The following MRGPRE variants were observed in gnomAD, a reference collection of about 807,000 sequenced individuals.
The protein encoded by MRGPRE is MAS related GPR family member E, also known as mas-related G protein-coupled receptor member E.
For missense variants in MRGPRE, 466 were observed against 433.4 expected, an observed-to-expected ratio of 1.08 and a Z score of -0.67; for synonymous variants, 229 against 206.7, an observed-to-expected ratio of 1.11 and a Z score of -0.92.
At position 3,228,800 on chromosome 11, in the gene MRGPRE, G is replaced by T. The variant is rs747069692; in HGVS notation, c.-1C>A. The T allele has an allele frequency of 1.2e-6, 2 of 1,600,028 alleles. No homozygotes were observed. Among genetic ancestry groups the T allele is most frequent in the Non-Finnish European group, 1.7e-6 (2 of 1,171,674 alleles). ...GTCCAGCTTCTCTGGGCTCCATCAT[G>T]GGGCGGGGGGCCAGGGGATGCTGCA... On this transcript the variant is annotated 5_prime_UTR_variant, in exon 2 of 2. Coordinates refer to ENST00000389832, the MANE Select transcript of MRGPRE (RefSeq NM_001039165.4).
rs753100615 is a variant in MRGPRE at position 3,228,248 on chromosome 11, C to A, written c.552G>T (p.Leu184=). 5 of 1,551,820 alleles carry A rather than the reference C, an allele frequency of 3.2e-6. No homozygotes were observed. The South Asian group carries it at 5.9e-5, about 18-fold the overall frequency. Residue 184 remains leucine, a synonymous_variant, in exon 2 of 2, where the codon CTG becomes CTT. Coordinates refer to ENST00000389832, the MANE Select transcript of MRGPRE (RefSeq NM_001039165.4). ...ACATGGTGCAACACAGCAGAGCCAG[C>A]AGCACCGCTGCCACCAGCCACAGCG... ...CRTLWLVAAV[L]LALLCCTMCG...
In MRGPRE at chr11:3,227,946, A is replaced by G. The variant is rs749647005; in HGVS notation, c.854T>C (p.Val285Ala). The change falls in exon 2 of 2, where the codon GTC (valine) becomes GCC (alanine). Residue 285 changes from valine to alanine, a missense_variant. Val to Ala is a moderately conservative substitution (Grantham distance 64). Transcript: ENST00000389832. ...CTCGTCTCCCAGCGCTCGCTGGAGG[A>G]CCAGCCGGAGGGGCAGCCTGCGGCC... ...AQGRRLPLRL[V>A]LQRALGDEAE... 5 of 1,554,012 alleles carry G rather than the reference A, an allele frequency of 3.2e-6. No individual in the cohort carries two copies. The highest frequency in any genetic ancestry group is 2.4e-5 in the South Asian group (2 of 84,154).
rs1847833266 is a variant in MRGPRE, at chr11:3,231,773, C to T, written c.-62+368G>A. On this transcript the variant is annotated intron_variant, in intron 1 of 1. Coordinates refer to ENST00000389832, the MANE Select transcript of MRGPRE (RefSeq NM_001039165.4). This position sits in a 1 kb window ranked among gnomAD's most constrained non-coding sequence, Gnocchi z 4.7. The stretch of plus-strand genomic sequence containing the variant: ...CCTGAGGCTGAGCACCCAGGTGTGG[C>T]AGGGAGGAGAGGGCCTATCCCCGGC... 6.6e-6 allele frequency among the ~76,000 whole-genome samples: 1 copy of T among 151,604 alleles called. No individual in the cohort carries two copies. Among genetic ancestry groups the T allele is most frequent in the African/African-American group, 2.4e-5 (1 of 41,306 alleles).
In MRGPRE at chr11:3,231,385, C is replaced by T. The variant is rs1847828024; in HGVS notation, c.-62+756G>A. Among the ~76,000 whole-genome samples the T allele has an allele frequency of 6.6e-6, 1 of 151,894 alleles. No homozygotes were observed. Among genetic ancestry groups the T allele is most frequent in the Non-Finnish European group, 1.5e-5 (1 of 67,958 alleles). On this transcript the variant is annotated intron_variant, in intron 1 of 1. Transcript: ENST00000389832. The surrounding 1 kb of genome is among the most constrained non-coding windows in gnomAD (Gnocchi z 4.7). ...GAGCTCAGCCAGACCCTGCTGCTGC[C>T]CCCTCTCTGCTGTGACCCTGGAGGA...
Position 3,228,158 on chromosome 11 carries a change from GC to G in MRGPRE, c.641del (p.Gly214AlafsTer97). ...CGGTGAGGAGGATGAGCCCAGGGAA[GC>G]CCCGGGGTGGGGGCCGCTGGGGGCC... is the stretch of plus-strand genomic sequence containing the variant. ...ERGPQRPPPRGFPGLILLTVL... is the reference protein window; with the variant it reads ...ERGPQRPPPRXFPGLILLTVL... On this transcript the variant is annotated frameshift_variant, in exon 2 of 2. Coordinates refer to ENST00000389832, the MANE Select transcript of MRGPRE (RefSeq NM_001039165.4). LOFTEE classifies it low-confidence loss of function (END_TRUNC). The G allele has an allele frequency of 1.3e-6, 2 of 1,574,178 alleles. No individual in the cohort carries two copies. Among genetic ancestry groups the G allele is most frequent in the East Asian group, 2.3e-5 (1 of 43,540 alleles).
Position 3,228,277 on chromosome 11 carries a change from G to A in MRGPRE, c.523C>T (p.Arg175Trp), listed in dbSNP as rs756116749. 1.5e-5 allele frequency: 24 copies of A among 1,556,172 alleles called. No individual in the cohort carries two copies. The Admixed American group carries it at 1.9e-4, about 13-fold the overall frequency. ...ACCGCTGCCACCAGCCACAGCGTCC[G>A]GCACAAGTGGCGGCTGGGCTCCCCG... ...FFGEPSRHLC[R>W]TLWLVAAVLL... Residue 175 changes from arginine to tryptophan, a missense_variant, in exon 2 of 2, where the codon CGG (arginine) becomes TGG (tryptophan). Transcript: ENST00000389832.
rs531537736 is a variant in MRGPRE at position 3,231,957 on chromosome 11, G to C, written c.-62+184C>G. Among the ~76,000 whole-genome samples, 32 of 152,246 alleles carry C rather than the reference G, an allele frequency of 2.1e-4. No individual in the cohort carries two copies. The highest frequency in any genetic ancestry group is 5.8e-4 in the African/African-American group (24 of 41,546). ...CCAGACTCAGCCCAGGGCTGGCTGC[G>C]GACCAGGTGGTGCGGCCCGTCAGAG... On this transcript the variant is annotated intron_variant, in intron 1 of 1. Transcript: ENST00000389832. The surrounding 1 kb of genome is among the most constrained non-coding windows in gnomAD (Gnocchi z 4.7).
rs1847790824 is a variant in MRGPRE, at chr11:3,228,457, C to T, written c.343G>A (p.Ala115Thr). The change falls in exon 2 of 2, where the codon GCG becomes ACG. Residue 115 changes from alanine to threonine, a missense_variant. Physicochemically the swap from Ala to Thr is moderately conservative, Grantham distance 58. Coordinates refer to ENST00000389832, the MANE Select transcript of MRGPRE (RefSeq NM_001039165.4). ...FCYIVGLSLL[A>T]AVSVEQCLAA... is the part of the protein sequence containing the mutation. ...AGGCACTGCTCCACGCTGACGGCCG[C>T]CAGGAGACTCAGGCCCACGATGTAG... 2.5e-6 allele frequency: 4 copies of T among 1,612,340 alleles called. No individual in the cohort carries two copies. Among genetic ancestry groups the T allele is most frequent in the Non-Finnish European group, 3.4e-6 (4 of 1,179,852 alleles).
In MRGPRE at chr11:3,229,240, T is replaced by C. The variant is rs1253855284; in HGVS notation, c.-61-380A>G. Among the ~76,000 whole-genome samples, 4 of 121,210 alleles carry C rather than the reference T, an allele frequency of 3.3e-5. No individual in the cohort carries two copies. The East Asian group carries it at 1.0e-3, about 31-fold the overall frequency. The allele number at this position is 121,210 out of a possible 152,430, so 79.5% of individuals were successfully genotyped here. A position where few individuals can be genotyped will look rare whatever the true frequency, so the allele number is the denominator to read the frequency against. On this transcript the variant is annotated intron_variant, in intron 1 of 1. Coordinates refer to ENST00000389832, the MANE Select transcript of MRGPRE (RefSeq NM_001039165.4). The surrounding 1 kb of genome is among the most constrained non-coding windows in gnomAD (Gnocchi z 4.4). ...TTTTTTTTTTTTTTTTTTTTTTTTTTTGGAGATGGAGTCTGGCTCTGTTGC... is the reference window on the plus strand; with the variant it reads ...TTTTTTTTTTTTTTTTTTTTTTTTTCTGGAGATGGAGTCTGGCTCTGTTGC...
rs1420422350 is a variant in MRGPRE at position 3,231,527 on chromosome 11, C to T, written c.-62+614G>A. 1.3e-5 allele frequency among the ~76,000 whole-genome samples: 2 copies of T among 149,798 alleles called. No homozygotes were observed. Among genetic ancestry groups the T allele is most frequent in the African/African-American group, 2.5e-5 (1 of 40,548 alleles). ...TGGGGAGTAGAGGAGTTTGTTGCAT[C>T]CTTGGTGAGCAGGAGGAAGAGGAGA... is the stretch of plus-strand genomic sequence containing the variant. On this transcript the variant is annotated intron_variant, in intron 1 of 1. Transcript: ENST00000389832. The surrounding 1 kb of genome is among the most constrained non-coding windows in gnomAD (Gnocchi z 4.7).
chr11:3,228,631 G>C lies in MRGPRE; in HGVS notation c.169C>G (p.Pro57Ala). Residue 57 changes from proline (P) to alanine (A), a missense_variant, in exon 2 of 2, where the codon CCC (proline) becomes GCC (alanine). Coordinates refer to ENST00000389832, the MANE Select transcript of MRGPRE (RefSeq NM_001039165.4). ...WLLSSNVYRN[P>A]FAIYLLDVAC... ...ACGTCCAGGAGGTAGATGGCGAAGG[G>C]GTTTCTGTAGACATTGGAGCTGAGC... The C allele has an allele frequency of 6.2e-7, 1 of 1,614,150 alleles. No homozygotes were observed. Among genetic ancestry groups the C allele is most frequent in the Non-Finnish European group, 8.5e-7 (1 of 1,180,018 alleles).
Position 3,227,875 on chromosome 11 carries a change from C to T in MRGPRE, c.925G>A (p.Asp309Asn). 1.4e-6 allele frequency: 2 copies of T among 1,453,288 alleles called. No individual in the cohort carries two copies. Among genetic ancestry groups the T allele is most frequent in the Non-Finnish European group, 1.8e-6 (2 of 1,101,630 alleles). 90.0% of individuals were successfully genotyped at this position (1,453,288 alleles called of 1,614,324 possible). A position where few individuals can be genotyped will look rare whatever the true frequency, so the allele number is the denominator to read the frequency against. ...GGCCCCAGGGCTCAGGCTGCTATGT[C>T]CACCAGGCCCCGGCGGGAGGTCTCC... ...VRETSRRGLV[D>N]IAA Residue 309 changes from aspartate (D) to asparagine (N), a missense_variant, in exon 2 of 2, where the codon GAC becomes AAC. Physicochemically the swap from Asp to Asn is conservative, Grantham distance 23 (BLOSUM62 1). Transcript: ENST00000389832.
At position 3,225,763 on chromosome 11, in the gene MRGPRE, G is replaced by A. The variant is rs1444392225; in HGVS notation, c.*2098C>T. Among the ~76,000 whole-genome samples, 1 of 152,218 alleles carries A rather than the reference G, an allele frequency of 6.6e-6. No individual in the cohort carries two copies. The highest frequency in any genetic ancestry group is 2.4e-5 in the African/African-American group (1 of 41,458). On this transcript the variant is annotated 3_prime_UTR_variant, in exon 2 of 2. Coordinates refer to ENST00000389832, the MANE Select transcript of MRGPRE (RefSeq NM_001039165.4). ...AGCTACTAGAGTGGGGACGAGCTGG[G>A]CCCAGTTTCCATGGAGACCTCAGAT...
rs779850836 is a variant in MRGPRE at position 3,227,886 on chromosome 11, C to T, written c.914G>A (p.Arg305Gln). The change falls in exon 2 of 2, where the codon CGG becomes CAG. Residue 305 changes from arginine (R) to glutamine (Q), a missense_variant. Arg to Gln is a conservative substitution (Grantham distance 43, BLOSUM62 1). Coordinates refer to ENST00000389832, the MANE Select transcript of MRGPRE (RefSeq NM_001039165.4). ...TCAGGCTGCTATGTCCACCAGGCCC[C>T]GGCGGGAGGTCTCCCTGACGGCCCC... is the stretch of plus-strand genomic sequence containing the variant. ...ELGAVRETSRRGLVDIAA is the reference protein window; with the variant it reads ...ELGAVRETSRQGLVDIAA 7.4e-5 allele frequency: 108 copies of T among 1,460,010 alleles called. No homozygotes were observed. The Middle Eastern group carries it at 1.0e-3, about 14-fold the overall frequency. 90.4% of individuals were successfully genotyped at this position (1,460,010 alleles called of 1,614,324 possible).
At position 3,227,672 on chromosome 11, in the gene MRGPRE, G is replaced by T; in HGVS notation, c.*189C>A. 2 of 491,886 alleles carry T rather than the reference G, an allele frequency of 4.1e-6. No homozygotes were observed. Among genetic ancestry groups the T allele is most frequent in the Non-Finnish European group, 7.0e-6 (2 of 286,498 alleles). 30.5% of individuals were successfully genotyped at this position (491,886 alleles called of 1,614,324 possible). A position where few individuals can be genotyped will look rare whatever the true frequency, so the allele number is the denominator to read the frequency against. On this transcript the variant is annotated 3_prime_UTR_variant, in exon 2 of 2. Coordinates refer to ENST00000389832, the MANE Select transcript of MRGPRE (RefSeq NM_001039165.4). ...GCCTGCCTGGGCATGTAGAGACCTT[G>T]CCTTTCCAGCTGCCTCCCAGGGGAG... is the stretch of plus-strand genomic sequence containing the variant.
rs1186451816 is a variant in MRGPRE at position 3,229,047 on chromosome 11, A to G, written c.-61-187T>C. ...TCTCTTCCCTAAGACACTCAGGAGG[A>G]AGGTGTCCCCATTCCTCCCCTCCCC... On this transcript the variant is annotated intron_variant, in intron 1 of 1. Transcript: ENST00000389832. This position sits in a 1 kb window ranked among gnomAD's most constrained non-coding sequence, Gnocchi z 4.4. Among the ~76,000 whole-genome samples the G allele has an allele frequency of 6.6e-6, 1 of 151,936 alleles. No homozygotes were observed. Among genetic ancestry groups the G allele is most frequent in the East Asian group, 1.9e-4 (1 of 5,168 alleles).
chr11:3,227,765 C>T lies in MRGPRE; in HGVS notation c.*96G>A. 1 of 1,034,158 alleles carries T rather than the reference C, an allele frequency of 9.7e-7. No homozygotes were observed. The highest frequency in any genetic ancestry group is 1.3e-6 in the Non-Finnish European group (1 of 746,324). The allele number at this position is 1,034,158 out of a possible 1,614,324, so 64.1% of individuals were successfully genotyped here. On this transcript the variant is annotated 3_prime_UTR_variant, in exon 2 of 2. Coordinates refer to ENST00000389832, the MANE Select transcript of MRGPRE (RefSeq NM_001039165.4). ...ACCGGGTCACCCACCAAGGCCTCCT[C>T]CAGGTCCGGCTGGCCCCAGCCTCTG...
intron 1 of MRGPRE, 126 bp from the exon 2 acceptor site, chr11:3,228,986 T>C: frequency 1.8e-6 from 1 of 555,158 alleles, no homozygotes; most frequent in Non-Finnish European, 3.2e-6. Context: ...AGAAGACCCC[T>C]CTCTCATTTC....
At position 3,230,150 on chromosome 11, in the gene MRGPRE, G is replaced by A. The variant is rs555375065; in HGVS notation, c.-61-1290C>T. ...TGCTGCCCCTGTGGTTACCTGGCCC[G>A]TCATGTGTCTCTGAGTGCTTGGTGA... On this transcript the variant is annotated intron_variant, in intron 1 of 1. Transcript: ENST00000389832. The surrounding 1 kb of genome is among the most constrained non-coding windows in gnomAD (Gnocchi z 5.5). Among the ~76,000 whole-genome samples the A allele has an allele frequency of 9.7e-4, 148 of 152,216 alleles. No homozygotes were observed. Among genetic ancestry groups the A allele is most frequent in the Non-Finnish European group, 1.6e-3 (112 of 68,024 alleles).
Sources: gnomAD v4.1 joint callset for allele counts (sites outside exome capture counted in the v4.1 genomes callset) on GRCh38, gnomAD v4.1.1 for gene constraint, Gnocchi (gnomAD v3.1) non-coding constraint, MANE v1.5 for transcripts, NCBI Gene and HGNC (gene_info 2026-07-23, HGNC 2026-07-21) for gene names.